Variants in BRWD1 observed in about 807,000 individuals in gnomAD.
BRWD1 encodes the protein bromodomain and WD repeat-containing protein 1.
BRWD1 carries 82 observed loss-of-function variants against 251.2 expected under a neutral mutation model. The observed-to-expected ratio is 0.33, with a 90% confidence interval of 0.27 to 0.39. The LOEUF (loss-of-function observed/expected upper bound fraction) is 0.39. BRWD1 is among the 10% of genes least tolerant of loss of function. The pLI, the probability that BRWD1 is intolerant of heterozygous loss-of-function variation, is 1.00. For synonymous variants in BRWD1, 918 were observed against 902.8 expected, an observed-to-expected ratio of 1.02 and a Z score of -0.30; for missense variants, 2,233 against 2,711.6, an observed-to-expected ratio of 0.82 and a Z score of 3.92.
At chr21:39,242,491 G>T (rs898123108) in intron 21 of BRWD1, among the ~76,000 whole-genome samples, 3 of 152,196 alleles carry the variant, frequency 2.0e-5, no homozygotes, top group African/African-American at 7.2e-5. Context: ...AGGTGAAGCA[G>T]CAAGTGCTTT....
At position 39,236,211 on chromosome 21, in the gene BRWD1, C is replaced by T. The variant is rs13052442; in HGVS notation, c.2766+384G>A. On this transcript the variant is annotated intron_variant, in intron 23 of 40. Coordinates refer to ENST00000342449, the MANE Select transcript of BRWD1 (RefSeq NM_033656.4). ...ACCAGGGCCCCAGTCCTGCAAAGGA[C>T]TCCGCATCTGTGAAGCAAAGGCCTC... Among the ~76,000 whole-genome samples the T allele has an allele frequency of 5.8e-3, 891 of 152,322 alleles. 11 individuals carry two copies. Among genetic ancestry groups the T allele is most frequent in the Admixed American group, 0.011 (174 of 15,302 alleles).
At chr21:39,254,136 C>T (rs1443000618) in intron 19 of BRWD1, among the ~76,000 whole-genome samples, 2 of 152,112 alleles carry the variant, frequency 1.3e-5, no homozygotes, top group Non-Finnish European at 2.9e-5. Context: ...CGTGGTGGCG[C>T]ATGCCTGTAG....
chr21:39,309,685 C>G (rs911991881), intron 4 of BRWD1, among the ~76,000 whole-genome samples: 1 of 151,312 alleles, frequency 6.6e-6, no homozygotes, highest in African/African-American at 2.4e-5. Context: ...ATTAGCCGGG[C>G]GTGGTGGCGG....
intron 20 of BRWD1, among the ~76,000 whole-genome samples, chr21:39,248,338 G>A (rs576828914): frequency 9.2e-5 from 14 of 151,992 alleles, no homozygotes; most frequent in African/African-American, 2.4e-4. Context: ...AAGGCCAGAC[G>A]CGGGGGCTTA....
At chr21:39,248,841 C>A (rs148794435) in intron 20 of BRWD1, among the ~76,000 whole-genome samples, 146 of 152,110 alleles carry the variant, frequency 9.6e-4, no homozygotes, top group African/African-American at 3.4e-3. Flanking sequence ...TACCATTCCA[C>A]CGAATAATCC....
chr21:39,187,165 G>C lies in BRWD1; in HGVS notation c.*9094C>G. 6.2e-7 allele frequency: 1 copy of C among 1,613,248 alleles called. No homozygotes were observed. Among genetic ancestry groups the C allele is most frequent in the Non-Finnish European group, 8.5e-7 (1 of 1,179,718 alleles). On this transcript the variant is annotated 3_prime_UTR_variant, in exon 41 of 41. Coordinates refer to ENST00000342449, the MANE Select transcript of BRWD1 (RefSeq NM_033656.4). ...AACATTCAGTAATTTTTTCTTAGCC[G>C]CAGCAGAAGCATTTCGATGGGGCAG...
intron 36 of BRWD1, 91 bp from the exon 37 acceptor site, chr21:39,206,365 T>TTA: frequency 2.1e-6 from 2 of 961,334 alleles, no homozygotes; most frequent in Non-Finnish European, 3.0e-6. Flanking sequence ...TTGCAATGTA[T>TTA]TATATCACTG....
intron 4 of BRWD1, among the ~76,000 whole-genome samples, chr21:39,306,841 T>C (rs1363688390): frequency 1.3e-5 from 2 of 152,200 alleles, no homozygotes; most frequent in African/African-American, 4.8e-5. Flanking sequence ...TACTGTTTAA[T>C]TGATAATTGA....
intron 4 of BRWD1, among the ~76,000 whole-genome samples, chr21:39,301,978 GTTT>G (rs750413248): frequency 1.7e-3 from 134 of 79,860 alleles, no homozygotes; most frequent in African/African-American, 6.3e-3. Flanking sequence ...AGCTTTGTGT[GTTT>G]TTTTTTTTTT....
chr21:39,253,731 A>G (rs1197981766), intron 19 of BRWD1, among the ~76,000 whole-genome samples: 2 of 152,256 alleles, frequency 1.3e-5, no homozygotes, highest in East Asian at 3.8e-4. Context: ...GGTTAAACAT[A>G]TAAAAACACA....
chr21:39,271,900 G>A (rs890846360), intron 13 of BRWD1, among the ~76,000 whole-genome samples: 5 of 149,880 alleles, frequency 3.3e-5, no homozygotes, highest in African/African-American at 9.8e-5. Context: ...TTAGCTGGGC[G>A]TAGTGACAGG....
chr21:39,186,845 T>A lies in BRWD1; in HGVS notation c.*9414A>T. 2.0e-6 allele frequency: 2 copies of A among 1,010,810 alleles called. No homozygotes were observed. Among genetic ancestry groups the A allele is most frequent in the South Asian group, 2.9e-5 (1 of 35,070 alleles). 62.6% of individuals were successfully genotyped at this position (1,010,810 alleles called of 1,614,324 possible). On this transcript the variant is annotated 3_prime_UTR_variant, in exon 41 of 41. Coordinates refer to ENST00000342449, the MANE Select transcript of BRWD1 (RefSeq NM_033656.4). ...TCTGCAATTTATTTCCTCCTCAGAA[T>A]TCCCCAGAGCACATGTCTGTACAAG...
rs188987819 is a variant in BRWD1 at position 39,310,371 on chromosome 21, C to T, written c.198+2470G>A. ...TCTCCACTAAAAATATAAAAATTAG[C>T]CAGGTGCCTGTAATCCCAGCACTTT... is the stretch of plus-strand genomic sequence containing the variant. On this transcript the variant is annotated intron_variant, in intron 4 of 40. Transcript: ENST00000342449. Among the ~76,000 whole-genome samples the T allele has an allele frequency of 6.9e-4, 105 of 151,680 alleles. 1 individual carries two copies. The highest frequency in any genetic ancestry group is 5.0e-4 in the Non-Finnish European group (34 of 67,878).
chr21:39,280,456 G>A (rs971229), intron 8 of BRWD1, among the ~76,000 whole-genome samples: 141,767 of 152,200 alleles, frequency 0.93, 66,408 homozygotes, highest in African/African-American at 0.98. Context: ...TTTTCAGAAT[G>A]AACAAGACTG....
At chr21:39,249,871 A>G (rs183866552) in intron 20 of BRWD1, among the ~76,000 whole-genome samples, 3 of 151,936 alleles carry the variant, frequency 2.0e-5, no homozygotes, top group East Asian at 3.9e-4. Context: ...TATGCCTTAA[A>G]AGGTTATGAA....
At chr21:39,314,124 G>C (rs777136448), upstream of BRWD1, 14 of 455,976 alleles carry the variant, frequency 3.1e-5, no homozygotes, top group South Asian at 2.2e-4. Flanking sequence ...GTCTTGCCCC[G>C]CACGGAAGAC....
chr21:39,247,358 T>C (rs924278454), intron 21 of BRWD1, among the ~76,000 whole-genome samples: 2 of 152,204 alleles, frequency 1.3e-5, no homozygotes, highest in South Asian at 2.1e-4. Context: ...TTTGGAAAAT[T>C]TGCATTTGCA....
intron 27 of BRWD1, among the ~76,000 whole-genome samples, chr21:39,226,594 T>C (rs2033392933): frequency 6.6e-6 from 1 of 152,170 alleles, no homozygotes; most frequent in African/African-American, 2.4e-5. Context: ...TTAAAGTTAT[T>C]TGGAACACAA....
intron 28 of BRWD1, 95 bp from the exon 29 acceptor site, chr21:39,224,564 C>A: frequency 1.3e-6 from 1 of 766,982 alleles, no homozygotes; most frequent in Non-Finnish European, 2.2e-6. Context: ...TGAAAATTAA[C>A]CTCACTGCAG....
Sources: allele counts gnomAD v4.1 joint callset (sites outside exome capture counted in the v4.1 genomes callset), GRCh38; gene constraint gnomAD v4.1.1; transcripts MANE v1.5; gene names NCBI Gene and HGNC (gene_info 2026-07-23, HGNC 2026-07-21).